Variants in MAX observed in about 807,000 individuals in gnomAD.
MAX encodes the protein protein max.
A neutral mutation model predicts 22.3 loss-of-function variants in MAX; 3 were observed. That is an observed-to-expected ratio of 0.13 (90% CI 0.06 to 0.35). The LOEUF is 0.35. Among genes scored for constraint, MAX ranks in the 10% least tolerant of loss-of-function variants. MAX has a pLI of 1.00. For missense variants in MAX, 119 were observed against 209.4 expected, an observed-to-expected ratio of 0.57 and a Z score of 2.66; for synonymous variants, 72 against 77.7, an observed-to-expected ratio of 0.93 and a Z score of 0.39.
chr14:65,030,279 A>C lies in MAX; in HGVS notation c.172-23995T>G, dbSNP rs150881916. ...GTAGATGATCACATTTGGCATTGGCACTTGTGACTCTTGTGTGCTCCCAAT... is the reference window on the plus strand; with the variant it reads ...GTAGATGATCACATTTGGCATTGGCCCTTGTGACTCTTGTGTGCTCCCAAT... On this transcript the variant is annotated intron_variant, in intron 3 of 3. Transcript: ENST00000341653. This position sits in a 1 kb window ranked among gnomAD's most constrained non-coding sequence, Gnocchi z 4.5. Among the ~76,000 whole-genome samples, 41 of 152,342 alleles carry C rather than the reference A, an allele frequency of 2.7e-4. No homozygotes were observed. The East Asian group carries it at 7.7e-3, about 29-fold the overall frequency.
At chr14:65,063,663 C>T (rs1453231620) in intron 3 of MAX, among the ~76,000 whole-genome samples, 1 of 152,162 alleles carries the variant, frequency 6.6e-6, no homozygotes, top group Non-Finnish European at 1.5e-5. Flanking sequence ...CTCCTGGGCT[C>T]AGAAGATCTT....
rs1352829978 is a variant in MAX, at chr14:65,027,730, A to G, written c.172-21446T>C. 1 of 1,614,194 alleles carries G rather than the reference A, an allele frequency of 6.2e-7. No homozygotes were observed. The highest frequency in any genetic ancestry group is 8.5e-7 in the Non-Finnish European group (1 of 1,180,044). On this transcript the variant is annotated intron_variant, in intron 3 of 3. Transcript: ENST00000341653. The surrounding 1 kb of genome is among the most constrained non-coding windows in gnomAD (Gnocchi z 5.7). ...CTTCTTCAGTATTTGTACTCCCTGA[A>G]GCAACCTGACGGCTCCTTTCTCATG...
At position 65,015,743 on chromosome 14, in the gene MAX, G is replaced by A. The variant is rs372403591; in HGVS notation, c.172-9459C>T. On this transcript the variant is annotated intron_variant, in intron 3 of 3. Transcript: ENST00000341653. ...TGAGTCTGTCTTTGGGAAATCTGGGGTGTTCTCTGAAATTGTATTTTGAGT... is the reference window on the plus strand; with the variant it reads ...TGAGTCTGTCTTTGGGAAATCTGGGATGTTCTCTGAAATTGTATTTTGAGT... 7.5e-6 allele frequency: 12 copies of A among 1,606,872 alleles called. No individual in the cohort carries two copies. In the African/African-American group the frequency reaches 1.6e-4, roughly 22 times the overall value.
intron 3 of MAX, chr14:65,040,742 A>G: frequency 1.3e-6 from 2 of 1,592,750 alleles, no homozygotes; most frequent in Non-Finnish European, 1.7e-6. Flanking sequence ...GGTCTTGTGT[A>G]CGTCCACTCA....
intron 3 of MAX, among the ~76,000 whole-genome samples, chr14:65,046,657 G>A (rs1318209649): frequency 6.6e-6 from 1 of 152,292 alleles, no homozygotes; most frequent in East Asian, 1.9e-4. Context: ...ACAGGAGTCT[G>A]TAAAGAAGGG....
intron 3 of MAX, among the ~76,000 whole-genome samples, chr14:65,057,864 C>T (rs1476556880): frequency 6.6e-6 from 1 of 152,144 alleles, no homozygotes; most frequent in East Asian, 1.9e-4. Context: ...AGTTTCCATA[C>T]ATGAAGGGGC....
upstream of MAX, chr14:65,102,638 T>C (rs926788102): frequency 3.5e-6 from 4 of 1,127,486 alleles, no homozygotes; most frequent in Non-Finnish European, 3.3e-6. Context: ...CCCGGGTAGC[T>C]CCAGAAAAAC....
chr14:65,008,238 C>T (rs1164304129), intron 3 of MAX, among the ~76,000 whole-genome samples: 1 of 152,242 alleles, frequency 6.6e-6, no homozygotes, highest in African/African-American at 2.4e-5. Flanking sequence ...ACTGAATCCC[C>T]TGTCCTCTCA....
chr14:65,061,557 GA>G lies in MAX; in HGVS notation c.171+32150del, dbSNP rs1302454243. 3.6e-5 allele frequency: 18 copies of G among 505,826 alleles called. No individual in the cohort carries two copies. In the South Asian group the frequency reaches 3.7e-4, roughly 10 times the overall value. The allele number at this position is 505,826 out of a possible 1,614,324, so 31.3% of individuals were successfully genotyped here. Reference sequence around the variant, plus strand: ...TATCAGCCCACGTGGTGTGGTTGGTGAACAGTGCATGCCAGGAGGAAGCAGT... The same window carrying G: ...TATCAGCCCACGTGGTGTGGTTGGTGACAGTGCATGCCAGGAGGAAGCAGT... On this transcript the variant is annotated intron_variant, in intron 3 of 3. Coordinates refer to the MAX transcript ENST00000341653.
intron 3 of MAX, among the ~76,000 whole-genome samples, chr14:65,086,741 T>C (rs2063344442): frequency 6.6e-6 from 1 of 152,210 alleles, no homozygotes; most frequent in Non-Finnish European, 1.5e-5. Flanking sequence ...GACAATGTGA[T>C]AGAAAAGAAA....
At chr14:65,074,445 T>C (rs1160895816), downstream of MAX, among the ~76,000 whole-genome samples, 2 of 152,210 alleles carry the variant, frequency 1.3e-5, no homozygotes, top group Non-Finnish European at 2.9e-5. Context: ...TGACATACAA[T>C]TGATAGGAGC....
Position 65,078,360 on chromosome 14 carries a change from C to G in MAX, c.172-324G>C, listed in dbSNP as rs2063116645. 6.6e-6 allele frequency among the ~76,000 whole-genome samples: 1 copy of G among 152,002 alleles called. No homozygotes were observed. The highest frequency in any genetic ancestry group is 6.6e-5 in the Admixed American group (1 of 15,254). On this transcript the variant is annotated intron_variant, in intron 3 of 4. Coordinates refer to ENST00000358664, the MANE Select transcript of MAX (RefSeq NM_002382.5). The surrounding 1 kb of genome is among the most constrained non-coding windows in gnomAD (Gnocchi z 6.4). ...AGGATTATAGGTGTGCGCCACCACG[C>G]CCATCTAATTTTTTTGTATTTTTAG...
At position 65,027,879 on chromosome 14, in the gene MAX, G is replaced by C. The variant is rs1595053413; in HGVS notation, c.172-21595C>G. On this transcript the variant is annotated intron_variant, in intron 3 of 3. Coordinates refer to the MAX transcript ENST00000341653. The surrounding 1 kb of genome is among the most constrained non-coding windows in gnomAD (Gnocchi z 5.7). ...TAAGGAACATCATGGGGAAGCTGCT[G>C]CTTTGTCCCAGAATGACACATGGGA... The C allele has an allele frequency of 2.0e-6, 3 of 1,505,450 alleles. No homozygotes were observed. In the East Asian group the frequency reaches 7.0e-5, roughly 35 times the overall value. 93.3% of individuals were successfully genotyped at this position (1,505,450 alleles called of 1,614,324 possible).
rs2063226540 is a variant in MAX at position 65,082,629 on chromosome 14, T to C, written c.172-4593A>G. On this transcript the variant is annotated intron_variant, in intron 3 of 4. Coordinates refer to ENST00000358664, the MANE Select transcript of MAX (RefSeq NM_002382.5). This position sits in a 1 kb window ranked among gnomAD's most constrained non-coding sequence, Gnocchi z 4.8. The stretch of plus-strand genomic sequence containing the variant: ...AAAAAATCAAAAGATTAGCTGGGCA[T>C]GGTGGTACACGAATGTGGTCCCAGC... Among the ~76,000 whole-genome samples, 1 of 151,918 alleles carries C rather than the reference T, an allele frequency of 6.6e-6. No homozygotes were observed. Among genetic ancestry groups the C allele is most frequent in the South Asian group, 2.1e-4 (1 of 4,816 alleles).
chr14:65,057,271 A>G (rs2062756679), intron 3 of MAX, among the ~76,000 whole-genome samples: 1 of 152,146 alleles, frequency 6.6e-6, no homozygotes, highest in African/African-American at 2.4e-5. Context: ...TTTGTTAAAT[A>G]GAAGATTTTA....
chr14:65,049,593 T>C (rs1048008544), intron 3 of MAX, among the ~76,000 whole-genome samples: 4 of 152,194 alleles, frequency 2.6e-5, no homozygotes, highest in Admixed American at 1.3e-4. Flanking sequence ...TTTAATAATA[T>C]AGGAAGTCAC....
intron 3 of MAX, among the ~76,000 whole-genome samples, chr14:65,060,404 C>T (rs12893404): frequency 0.26 from 38,022 of 146,718 alleles, 5,223 homozygotes; most frequent in Non-Finnish European, 0.3. Flanking sequence ...GCCGGACCAA[C>T]ATGGTGAAAC....
rs1390569562 is a variant in MAX, at chr14:65,076,186, T to C, written c.*290A>G. On this transcript the variant is annotated 3_prime_UTR_variant, in exon 5 of 5. Transcript: ENST00000358664. This position sits in a 1 kb window ranked among gnomAD's most constrained non-coding sequence, Gnocchi z 6.6. ...GTGCTCAGAGGTCCGGCCGGCCGTCTGTCCTCCACAGAAAAAGCTGCCAAG... is the reference window on the plus strand; with the variant it reads ...GTGCTCAGAGGTCCGGCCGGCCGTCCGTCCTCCACAGAAAAAGCTGCCAAG... 7.8e-6 allele frequency: 11 copies of C among 1,403,276 alleles called. No individual in the cohort carries two copies. In the East Asian group the frequency reaches 2.1e-4, roughly 27 times the overall value. 86.9% of individuals were successfully genotyped at this position (1,403,276 alleles called of 1,614,324 possible).
chr14:65,010,376 T>G (rs535536570), intron 3 of MAX, among the ~76,000 whole-genome samples: 1 of 152,244 alleles, frequency 6.6e-6, no homozygotes, highest in Non-Finnish European at 1.5e-5. Context: ...GTGTGTAACC[T>G]GAATCCCTCT....
Sources: gnomAD v4.1 joint callset for allele counts (sites outside exome capture counted in the v4.1 genomes callset) on GRCh38, gnomAD v4.1.1 for gene constraint, Gnocchi (gnomAD v3.1) non-coding constraint, MANE v1.5 for transcripts, NCBI Gene and HGNC (gene_info 2026-07-23, HGNC 2026-07-21) for gene names.